Variants in KCNN2 observed in about 807,000 individuals in gnomAD.
KCNN2 encodes the protein small conductance calcium-activated potassium channel protein 2.
Under a neutral mutation model 55.5 loss-of-function variants are expected in KCNN2, and 24 were observed. The ratio of observed to expected loss-of-function variants is 0.43; its 90% CI spans 0.31 to 0.61. The LOEUF (loss-of-function observed/expected upper bound fraction) is 0.61, where lower values mean the gene tolerates loss of function less well. Among genes scored for constraint, KCNN2 ranks in the 20% least tolerant of loss-of-function variants. The pLI, the probability that KCNN2 is intolerant of heterozygous loss-of-function variation, is 0.08. For synonymous variants in KCNN2, 431 were observed against 336.1 expected (o/e 1.28, Z -3.09); for missense variants, 754 against 853.6 (o/e 0.88, Z 1.45).
chr5:114,445,144 T>C (rs1561387764), intron 3 of KCNN2, among the ~76,000 whole-genome samples: 1 of 152,122 alleles, frequency 6.6e-6, no homozygotes, highest in Non-Finnish European at 1.5e-5. Context: ...AGAGAAAAAG[T>C]ATTTCAGGGA....
At chr5:114,089,209 A>G (rs1184177693) in intron 1 of KCNN2, among the ~76,000 whole-genome samples, 1 of 152,218 alleles carries the variant, frequency 6.6e-6, no homozygotes, top group Non-Finnish European at 1.5e-5. Flanking sequence ...CTTTAAAAAT[A>G]GTTGAATTTT....
At chr5:114,419,149 T>C (rs1580812464) in intron 3 of KCNN2, among the ~76,000 whole-genome samples, 1 of 152,244 alleles carries the variant, frequency 6.6e-6, no homozygotes, top group Admixed American at 6.5e-5. Context: ...AAAATGAAAA[T>C]ATTCTTTATT....
chr5:114,362,917 T>A lies in KCNN2; in HGVS notation c.778T>A (p.Ser260Thr). 2 of 1,581,464 alleles carry A rather than the reference T, an allele frequency of 1.3e-6. No homozygotes were observed. Among genetic ancestry groups the A allele is most frequent in the East Asian group, 2.3e-5 (1 of 42,970 alleles). Reference sequence around the variant, plus strand: ...TGTCGGAGGAGGTGGCGGCGCGTCCTCCCCGTCTGCAGCCGCTGCCGCCGC... The same window carrying A: ...TGTCGGAGGAGGTGGCGGCGCGTCCACCCCGTCTGCAGCCGCTGCCGCCGC... ...ASVGGGGGAS[S>T]PSAAAAAAAA... is the part of the protein sequence containing the mutation. The change falls in exon 1 of 8, where the codon TCC becomes ACC. Residue 260 changes from serine to threonine, a missense_variant. Coordinates refer to ENST00000673685, the MANE Select transcript of KCNN2 (RefSeq NM_021614.4).
intron 2 of KCNN2, among the ~76,000 whole-genome samples, chr5:114,394,641 A>C (rs977550407): frequency 6.6e-6 from 1 of 152,132 alleles, no homozygotes; most frequent in African/African-American, 2.4e-5. Flanking sequence ...TTTCACATCT[A>C]TGTCTTTCAA....
At chr5:114,323,816 T>G (rs1481838100) in intron 2 of KCNN2, among the ~76,000 whole-genome samples, 1 of 151,694 alleles carries the variant, frequency 6.6e-6, no homozygotes, top group Non-Finnish European at 1.5e-5. Context: ...GCCCAGCTAA[T>G]TTTTGTAGTT....
At chr5:114,275,924 G>T (rs1044775614) in intron 2 of KCNN2, among the ~76,000 whole-genome samples, 1 of 151,978 alleles carries the variant, frequency 6.6e-6, no homozygotes, top group Admixed American at 6.6e-5. Flanking sequence ...TGAGGTTAGG[G>T]TGTCGATTTT....
intron 2 of KCNN2, among the ~76,000 whole-genome samples, chr5:114,291,195 T>C (rs1265339275): frequency 1.0e-5 from 1 of 95,264 alleles, no homozygotes; most frequent in South Asian, 4.0e-4. Flanking sequence ...TATTTTATTT[T>C]ATTATTATTA....
rs1390374787 is a variant in KCNN2 at position 114,429,741 on chromosome 5, A to G, written c.1637+24885A>G. ...GGATTTTTATAGTTTTGCATTTTAC[A>G]TTTGAGTCTATGATCCATTTTGAAG... On this transcript the variant is annotated intron_variant, in intron 3 of 7. Coordinates refer to ENST00000673685, the MANE Select transcript of KCNN2 (RefSeq NM_021614.4). Among the ~76,000 whole-genome samples the G allele has an allele frequency of 6.1e-5, 9 of 146,408 alleles. No homozygotes were observed. In the South Asian group the frequency reaches 1.9e-3, roughly 32 times the overall value.
At chr5:114,115,328 A>G (rs6860602) in intron 1 of KCNN2, among the ~76,000 whole-genome samples, 36,113 of 152,064 alleles carry the variant, frequency 0.24, 5,316 homozygotes, top group African/African-American at 0.42. Context: ...TTTGTCACCT[A>G]TAAAATGCTT....
At chr5:114,243,954 G>T (rs766801644) in intron 2 of KCNN2, among the ~76,000 whole-genome samples, 7 of 152,140 alleles carry the variant, frequency 4.6e-5, no homozygotes, top group Non-Finnish European at 8.8e-5. Context: ...GCAAGTACTG[G>T]ATCCCAAAAG....
intron 7 of KCNN2, among the ~76,000 whole-genome samples, chr5:114,495,482 T>C (rs1748068811): frequency 6.6e-6 from 1 of 152,256 alleles, no homozygotes; most frequent in Non-Finnish European, 1.5e-5. Flanking sequence ...GTATTATTTA[T>C]TGTTCTTTGC....
intron 2 of KCNN2, among the ~76,000 whole-genome samples, chr5:114,368,664 CATA>C (rs2150049346): frequency 6.6e-6 from 1 of 152,274 alleles, no homozygotes; most frequent in African/African-American, 2.4e-5. Context: ...AACCAATACA[CATA>C]ATAAAAACAG....
intron 1 of KCNN2, among the ~76,000 whole-genome samples, chr5:114,162,990 G>T (rs543550743): frequency 6.6e-6 from 1 of 152,230 alleles, no homozygotes; most frequent in African/African-American, 2.4e-5. Flanking sequence ...CTCATGCACG[G>T]TGCACTGCAC....
At chr5:114,292,579 A>C (rs370963309) in intron 2 of KCNN2, among the ~76,000 whole-genome samples, 15 of 151,988 alleles carry the variant, frequency 9.9e-5, no homozygotes, top group African/African-American at 2.7e-4. Context: ...GTACCATGCT[A>C]TTTTGGTTAC....
chr5:114,203,437 G>C (rs116567401), intron 1 of KCNN2, among the ~76,000 whole-genome samples: 2,421 of 152,122 alleles, frequency 0.016, 69 homozygotes, highest in African/African-American at 0.056. Flanking sequence ...GATTTACTTA[G>C]GGAATTTGAA....
intron 1 of KCNN2, among the ~76,000 whole-genome samples, chr5:114,162,401 A>T (rs1752806912): frequency 6.6e-6 from 1 of 152,164 alleles, no homozygotes; most frequent in Non-Finnish European, 1.5e-5. Context: ...TTGAGGTGTC[A>T]GTCCGCCCCT....
At chr5:114,209,139 C>T (rs1753829210) in intron 1 of KCNN2, among the ~76,000 whole-genome samples, 1 of 151,982 alleles carries the variant, frequency 6.6e-6, no homozygotes, top group South Asian at 2.1e-4. Context: ...TCACTGCAGC[C>T]TCACACTCCT....
At chr5:114,431,674 A>G (rs1459945124) in intron 3 of KCNN2, among the ~76,000 whole-genome samples, 7 of 152,058 alleles carry the variant, frequency 4.6e-5, no homozygotes, top group Non-Finnish European at 1.0e-4. Context: ...AGCTTGAATG[A>G]CTGATTTTAA....
intron 2 of KCNN2, among the ~76,000 whole-genome samples, chr5:114,245,710 A>T (rs1046495561): frequency 6.6e-6 from 1 of 152,190 alleles, no homozygotes; most frequent in African/African-American, 2.4e-5. Context: ...CAAAACAAAA[A>T]AACATAGAGC....
Sources: gnomAD v4.1 joint callset for allele counts (sites outside exome capture counted in the v4.1 genomes callset) on GRCh38, gnomAD v4.1.1 for gene constraint, MANE v1.5 for transcripts, NCBI Gene and HGNC (gene_info 2026-07-23, HGNC 2026-07-21) for gene names.